Variants in ARID4A observed in about 807,000 individuals in gnomAD.
The protein encoded by ARID4A is AT-rich interactive domain-containing protein 4A.
A neutral mutation model predicts 148.6 loss-of-function variants in ARID4A; 39 were observed. The ratio of observed to expected loss-of-function variants is 0.26; its 90% CI spans 0.20 to 0.34. The LOEUF is 0.34. ARID4A is among the 10% of genes least tolerant of loss of function. ARID4A has a pLI of 1.00. For missense variants in ARID4A, 1,265 were observed against 1,449.1 expected, an observed-to-expected ratio of 0.87 and a Z score of 2.06; for synonymous variants, 475 against 481.2, an observed-to-expected ratio of 0.99 and a Z score of 0.17.
chr14:58,303,836 T>C (rs760453941), intron 3 of ARID4A: 6 of 188,500 alleles, frequency 3.2e-5, no homozygotes, highest in Non-Finnish European at 5.7e-5. Flanking sequence ...AGAATCAGGT[T>C]GGGCACGGTG....
intron 2 of ARID4A, among the ~76,000 whole-genome samples, chr14:58,301,177 A>G (rs1312562449): frequency 1.3e-5 from 2 of 152,170 alleles, no homozygotes; most frequent in African/African-American, 4.8e-5. Flanking sequence ...TAGTGTTAAT[A>G]TTAGTAGCAA....
intron 8 of ARID4A, among the ~76,000 whole-genome samples, chr14:58,324,626 CAGAAAT>C (rs1399368160): frequency 6.6e-6 from 1 of 152,162 alleles, no homozygotes; most frequent in African/African-American, 2.4e-5. Flanking sequence ...GTCCCATTCT[CAGAAAT>C]AGACAACCTT....
intron 11 of ARID4A, among the ~76,000 whole-genome samples, chr14:58,339,767 G>A (rs1235023688): frequency 6.6e-6 from 1 of 152,070 alleles, no homozygotes; most frequent in Non-Finnish European, 1.5e-5. Flanking sequence ...CAGGAGGCAT[G>A]GCTGGGGAGG....
chr14:58,301,946 G>C (rs1457669866), intron 3 of ARID4A, among the ~76,000 whole-genome samples: 2 of 152,172 alleles, frequency 1.3e-5, no homozygotes, highest in Non-Finnish European at 2.9e-5. Flanking sequence ...AGCATACTTG[G>C]ACTGTAATCT....
At chr14:58,358,755 C>G (rs531680210) in intron 17 of ARID4A, among the ~76,000 whole-genome samples, 1 of 152,300 alleles carries the variant, frequency 6.6e-6, no homozygotes, top group East Asian at 1.9e-4. Context: ...ATTTATCTGA[C>G]TTAGCTTTCT....
At chr14:58,352,404 CAA>C (rs1364880994) in intron 16 of ARID4A, among the ~76,000 whole-genome samples, 1 of 151,758 alleles carries the variant, frequency 6.6e-6, no homozygotes, top group Non-Finnish European at 1.5e-5. Context: ...AATATTTGGA[CAA>C]AAAATTTAAG....
rs1403896357 is a variant in ARID4A, at chr14:58,299,809, G to A, written c.-46G>A. The A allele has an allele frequency of 1.2e-6, 2 of 1,614,162 alleles. No homozygotes were observed. The highest frequency in any genetic ancestry group is 1.7e-6 in the Non-Finnish European group (2 of 1,179,996). On this transcript the variant is annotated 5_prime_UTR_variant, in exon 2 of 24. Transcript: ENST00000355431. Reference sequence around the variant, plus strand: ...CCCCCTCCCCATAGTTCTAGCGACTGCGAAGATAGCTCGCTGAGCTGGAAC... The same window carrying A: ...CCCCCTCCCCATAGTTCTAGCGACTACGAAGATAGCTCGCTGAGCTGGAAC...
At position 58,348,021 on chromosome 14, in the gene ARID4A, C is replaced by G. The variant is rs570841293; in HGVS notation, c.1404+143C>G. ...ATGCTGCTTAGCTAGCTACTTTTTT[C>G]GAAATATATTGTATATTATTTCCTC... On this transcript the variant is annotated intron_variant, in intron 15 of 23. Transcript: ENST00000355431. The G allele has an allele frequency of 8.1e-5, 48 of 594,194 alleles. No homozygotes were observed. The African/African-American group carries it at 8.4e-4, about 10-fold the overall frequency. 36.8% of individuals were successfully genotyped at this position (594,194 alleles called of 1,614,324 possible).
At chr14:58,369,614 C>A (rs1484944022) in intron 23 of ARID4A, among the ~76,000 whole-genome samples, 1,971 of 106,630 alleles carry the variant, frequency 0.018, no homozygotes, top group Non-Finnish European at 0.02. Flanking sequence ...GAGTCTGTCT[C>A]AAAAAAAAAA....
chr14:58,362,804 C>T (rs1463250555), intron 19 of ARID4A, among the ~76,000 whole-genome samples: 3 of 152,218 alleles, frequency 2.0e-5, no homozygotes, highest in East Asian at 1.9e-4. Context: ...GTGATGTACC[C>T]GCCTCAGCGT....
intron 19 of ARID4A, among the ~76,000 whole-genome samples, chr14:58,362,303 T>G (rs2035167403): frequency 1.3e-5 from 2 of 152,038 alleles, no homozygotes. Flanking sequence ...ATTAAGAAAT[T>G]TTAGGCTGAG....
chr14:58,305,309 G>A (rs192351672), intron 4 of ARID4A, among the ~76,000 whole-genome samples: 68 of 152,166 alleles, frequency 4.5e-4, no homozygotes, highest in Admixed American at 1.6e-3. Context: ...CATTGTTGCT[G>A]TATCTGAGGT....
Position 58,329,647 on chromosome 14 carries a change from C to G in ARID4A, c.739+43C>G, listed in dbSNP as rs779205696. ...TACCCTATTATTTTATGTTGTGGCT[C>G]TATTTGGAAAATAGCAAATAAAGCA... On this transcript the variant is annotated intron_variant, in intron 10 of 23. Coordinates refer to ENST00000355431, the MANE Select transcript of ARID4A (RefSeq NM_002892.4). 4.1e-6 allele frequency: 6 copies of G among 1,478,138 alleles called. No individual in the cohort carries two copies. In the African/African-American group the frequency reaches 5.6e-5, roughly 14 times the overall value. The allele number at this position is 1,478,138 out of a possible 1,614,324, so 91.6% of individuals were successfully genotyped here.
chr14:58,322,398 A>G (rs1383928409), intron 7 of ARID4A, among the ~76,000 whole-genome samples: 1 of 152,120 alleles, frequency 6.6e-6, no homozygotes, highest in Non-Finnish European at 1.5e-5. Context: ...CTTCATACTT[A>G]TTTTATAATT....
chr14:58,325,122 T>C (rs1004597937), intron 8 of ARID4A, among the ~76,000 whole-genome samples: 10 of 152,174 alleles, frequency 6.6e-5, no homozygotes, highest in African/African-American at 2.4e-4. Context: ...AAGAGAATTA[T>C]TTCAGAGAGG....
In ARID4A at chr14:58,364,768, G is replaced by A. The variant is rs2035282065; in HGVS notation, c.2679G>A (p.Glu893=). 1.9e-6 allele frequency: 3 copies of A among 1,613,954 alleles called. No homozygotes were observed. Among genetic ancestry groups the A allele is most frequent in the Admixed American group, 3.3e-5 (2 of 60,000 alleles). The change falls in exon 20 of 24, where the codon GAG becomes GAA. Residue 893 remains glutamate (E), a synonymous_variant. Coordinates refer to ENST00000355431, the MANE Select transcript of ARID4A (RefSeq NM_002892.4). ...QERTSDCIGS[E]GMKNLNFEQH... ...GGACCAGTGATTGTATTGGATCTGA[G>A]GGAATGAAAAACTTAAATTTTGAAC...
chr14:58,365,367 G>C, intron 20 of ARID4A, 67 bp downstream of exon 20: 1 of 1,505,624 alleles, frequency 6.6e-7, no homozygotes, highest in Non-Finnish European at 8.9e-7. Flanking sequence ...TGAGTTTCAG[G>C]TACTGTTGAT....
chr14:58,306,514 A>T (rs757653525), intron 5 of ARID4A, among the ~76,000 whole-genome samples: 1 of 152,216 alleles, frequency 6.6e-6, no homozygotes, highest in Non-Finnish European at 1.5e-5. Context: ...AATCCTGACC[A>T]TGGTAGATTC....
chr14:58,321,959 T>G (rs576566702), intron 7 of ARID4A, among the ~76,000 whole-genome samples: 18 of 151,442 alleles, frequency 1.2e-4, no homozygotes, highest in African/African-American at 3.9e-4. Context: ...TGTTGTTGTT[T>G]TTTTTGGTTT....
Sources: gnomAD v4.1 joint callset for allele counts (sites outside exome capture counted in the v4.1 genomes callset) on GRCh38, gnomAD v4.1.1 for gene constraint, MANE v1.5 for transcripts, NCBI Gene and HGNC (gene_info 2026-07-23, HGNC 2026-07-21) for gene names.